The following DNAH10 variants were observed in gnomAD, a reference collection of about 807,000 sequenced individuals.
DNAH10 encodes axonemal beta dynein heavy chain 10.
In DNAH10, 348 loss-of-function variants were observed where a neutral mutation model predicts 506.6. The observed-to-expected ratio is 0.69, with a 90% confidence interval of 0.63 to 0.75. The LOEUF is 0.75. Ranked by LOEUF, DNAH10 falls within the 30% of genes least tolerant of loss-of-function variation. The pLI is 0.00. For missense variants in DNAH10, 5,179 were observed against 5,787.1 expected (o/e 0.89, Z 3.41); for synonymous variants, 2,059 against 2,198.6 (o/e 0.94, Z 1.78).
intron 77 of DNAH10, chr12:123,934,283 C>T (rs1185626078): frequency 2.9e-6 from 2 of 693,476 alleles, no homozygotes; most frequent in African/African-American, 3.5e-5. Context: ...CATTCTGACT[C>T]TGGGACCATG....
intron 26 of DNAH10, among the ~76,000 whole-genome samples, chr12:123,832,570 T>G (rs1432362032): frequency 6.6e-6 from 1 of 152,128 alleles, no homozygotes; most frequent in Non-Finnish European, 1.5e-5. Context: ...CATGAACTCC[T>G]GGGCTCAAGC....
intron 41 of DNAH10, 29 bp downstream of exon 41, chr12:123,866,102 A>C: frequency 1.3e-6 from 2 of 1,543,496 alleles, no homozygotes; most frequent in Non-Finnish European, 1.8e-6. Context: ...ATGAACTTAA[A>C]TTTATTAGTA....
At chr12:123,818,912 A>C (rs369316852) in intron 21 of DNAH10, 38 bp from the exon 22 acceptor site, 435 of 1,398,928 alleles carry the variant, frequency 3.1e-4, no homozygotes, top group Non-Finnish European at 4.0e-4. Flanking sequence ...ATTGCTCATC[A>C]TTTGTTGTTT....
In DNAH10 at chr12:123,820,255, T is replaced by C. The variant is rs552098221; in HGVS notation, c.4001-325T>C. On this transcript the variant is annotated intron_variant, in intron 23 of 78. Coordinates refer to ENST00000673944, the MANE Select transcript of DNAH10 (RefSeq NM_001372106.1). ...TGGGAAGTTAGAGTGGTAAGGGAGT[T>C]ATCAGTAGGATGATGATGTTCTCAA... 2.0e-4 allele frequency among the ~76,000 whole-genome samples: 31 copies of C among 152,278 alleles called. 1 individual carries two copies. In the South Asian group the frequency reaches 6.4e-3, roughly 32 times the overall value.
At chr12:123,932,155 C>T in intron 76 of DNAH10, 47 bp downstream of exon 76, 1 of 1,607,790 alleles carries the variant, frequency 6.2e-7, no homozygotes, top group Non-Finnish European at 8.5e-7. Flanking sequence ...AGGTGTCAGC[C>T]TAGACTCCTC....
chr12:123,864,388 G>A (rs955247147), intron 39 of DNAH10, among the ~76,000 whole-genome samples: 3 of 151,702 alleles, frequency 2.0e-5, no homozygotes, highest in Non-Finnish European at 2.9e-5. Context: ...CTCGCGATCC[G>A]CCCACCTTGG....
chr12:123,915,114 C>A lies in DNAH10; in HGVS notation c.10722+115C>A. The A allele has an allele frequency of 2.2e-6, 3 of 1,371,004 alleles. No homozygotes were observed. In the South Asian group the frequency reaches 4.5e-5, roughly 21 times the overall value. The allele number at this position is 1,371,004 out of a possible 1,614,324, so 84.9% of individuals were successfully genotyped here. ...GCCTCAGCGAGGCTGGGCTGAAATG[C>A]TTCCATCCTGACCCCCATGCGGAGC... is the stretch of plus-strand genomic sequence containing the variant. On this transcript the variant is annotated intron_variant, in intron 62 of 78. Transcript: ENST00000673944.
Position 123,933,363 on chromosome 12 carries a change from C to G in DNAH10, c.13329C>G (p.Leu4443=). Residue 4443 remains leucine, a synonymous_variant, in exon 77 of 79, where the codon CTC becomes CTG. Coordinates refer to ENST00000673944, the MANE Select transcript of DNAH10 (RefSeq NM_001372106.1). ...AGAGCGAGCCCAGCGTGATGTGGCT[C>G]TCGGGGCTGCACATCCCTGAGTCCT... ...VTESEPSVMW[L]SGLHIPESYL... 6.2e-7 allele frequency: 1 copy of G among 1,603,968 alleles called. No homozygotes were observed. The highest frequency in any genetic ancestry group is 1.7e-5 in the Admixed American group (1 of 59,192).
intron 12 of DNAH10, 41 bp from the exon 13 acceptor site, chr12:123,796,615 C>A (rs370297784): frequency 6.5e-7 from 1 of 1,528,328 alleles, no homozygotes; most frequent in Admixed American, 2.1e-5. Flanking sequence ...GCTAACCTGG[C>A]GATGTTTATC....
intron 52 of DNAH10, among the ~76,000 whole-genome samples, chr12:123,890,276 A>G (rs941675584): frequency 1.3e-5 from 2 of 152,006 alleles, no homozygotes; most frequent in Admixed American, 6.6e-5. Flanking sequence ...GATTTAATTA[A>G]TTAATTATTT....
intron 52 of DNAH10, among the ~76,000 whole-genome samples, chr12:123,892,273 T>C (rs1953018556): frequency 6.6e-6 from 1 of 152,194 alleles, no homozygotes; most frequent in Admixed American, 6.5e-5. Flanking sequence ...CTTACAGTCA[T>C]GGCAGAAGGT....
chr12:123,786,912 C>T (rs940310952), intron 9 of DNAH10, among the ~76,000 whole-genome samples: 8 of 152,062 alleles, frequency 5.3e-5, no homozygotes, highest in Non-Finnish European at 8.8e-5. Context: ...CCAAGGCAGG[C>T]GGATCACTTG....
rs1959013733 is a variant in DNAH10, at chr12:123,813,287, G to A, written c.3268G>A (p.Ala1090Thr). ...ISLNPQIIEQAVMIPQNVHRI... is the reference protein window; with the variant it reads ...ISLNPQIIEQTVMIPQNVHRI... ...TCTGAACCCTCAGATAATTGAACAA[G>A]CTGTTATGATCCCCCAAAATGTCCA... The change falls in exon 20 of 79, where the codon GCT becomes ACT. Residue 1090 changes from alanine to threonine, a missense_variant. Ala to Thr is a moderately conservative substitution (Grantham distance 58). This residue lies in a region of DNAH10 where 4,844 missense variants were observed against 5,430.5 expected (regional missense o/e 0.89). Transcript: ENST00000673944. 1 of 1,614,048 alleles carries A rather than the reference G, an allele frequency of 6.2e-7. No individual in the cohort carries two copies. The highest frequency in any genetic ancestry group is 1.3e-5 in the African/African-American group (1 of 74,914).
chr12:123,819,760 A>T (rs1277988835), intron 23 of DNAH10, among the ~76,000 whole-genome samples: 1 of 135,898 alleles, frequency 7.4e-6, no homozygotes, highest in African/African-American at 2.9e-5. Flanking sequence ...ACTGGAGTGC[A>T]GTGGCACAAT....
At position 123,914,495 on chromosome 12, in the gene DNAH10, C is replaced by T; in HGVS notation, c.10519C>T (p.Leu3507=). The change falls in exon 61 of 79, where the codon CTG becomes TTG. Residue 3507 remains leucine, a synonymous_variant. Transcript: ENST00000673944. The part of the protein sequence containing the change: ...QNDILEREIP[L]SQPFRLESLL... Reference sequence around the variant, plus strand: ...TGACATCCTGGAGCGGGAGATCCCCCTGAGCCAGCCTTTCCGGCTGGAAAG... The same window carrying T: ...TGACATCCTGGAGCGGGAGATCCCCTTGAGCCAGCCTTTCCGGCTGGAAAG... 1 of 1,613,768 alleles carries T rather than the reference C, an allele frequency of 6.2e-7. No homozygotes were observed. Among genetic ancestry groups the T allele is most frequent in the Non-Finnish European group, 8.5e-7 (1 of 1,179,896 alleles).
At chr12:123,764,527 G>A (rs1956945909) in intron 1 of DNAH10, among the ~76,000 whole-genome samples, 1 of 152,168 alleles carries the variant, frequency 6.6e-6, no homozygotes, top group Non-Finnish European at 1.5e-5. Context: ...AACAATGGAT[G>A]TGACTTGGAT....
chr12:123,772,840 G>A lies in DNAH10; in HGVS notation c.403G>A (p.Ala135Thr). ...TTTGTTCCCCATGTTTCAGAGAACTGCGAAGCACATCATGGAAAAGATGCA... is the reference window on the plus strand; with the variant it reads ...TTTGTTCCCCATGTTTCAGAGAACTACGAAGCACATCATGGAAAAGATGCA... ...ISEKLPSKRTAKHIMEKMHLH... is the reference protein window; with the variant it reads ...ISEKLPSKRTTKHIMEKMHLH... Residue 135 changes from alanine to threonine, a missense_variant, in exon 4 of 79, where the codon GCG becomes ACG. By Grantham distance (58) the Ala-to-Thr change is moderately conservative. Around this residue, in one of 3 missense-constraint regions of DNAH10, gnomAD observed 326 missense variants for 330.8 expected, o/e 0.99. Transcript: ENST00000673944. 1.9e-6 allele frequency: 3 copies of A among 1,604,020 alleles called. No homozygotes were observed. The highest frequency in any genetic ancestry group is 2.6e-6 in the Non-Finnish European group (3 of 1,175,752).
Position 123,928,826 on chromosome 12 carries a change from A to G in DNAH10, c.12306+239A>G. ...ACCAATTCTGCATGTGTCCCTAACAATATCTACGCTACTTTTCATAAACTT... is the reference window on the plus strand; with the variant it reads ...ACCAATTCTGCATGTGTCCCTAACAGTATCTACGCTACTTTTCATAAACTT... On this transcript the variant is annotated intron_variant, in intron 70 of 78. Coordinates refer to ENST00000673944, the MANE Select transcript of DNAH10 (RefSeq NM_001372106.1). This position sits in a 1 kb window ranked among gnomAD's most constrained non-coding sequence, Gnocchi z 4.9. 1 of 564,272 alleles carries G rather than the reference A, an allele frequency of 1.8e-6. No homozygotes were observed. 35.0% of individuals were successfully genotyped at this position (564,272 alleles called of 1,614,324 possible).
rs371758669 is a variant in DNAH10 at position 123,871,630 on chromosome 12, A to G, written c.7785+28A>G. The G allele has an allele frequency of 3.1e-4, 484 of 1,542,530 alleles. 1 individual carries two copies. Among genetic ancestry groups the G allele is most frequent in the Middle Eastern group, 2.3e-3 (14 of 5,982 alleles). On this transcript the variant is annotated intron_variant, in intron 45 of 78. Coordinates refer to ENST00000673944, the MANE Select transcript of DNAH10 (RefSeq NM_001372106.1). ...AAGTCATTATTCATATGAATTATCT[A>G]TTGCTGTGTAACAAATTATTCCAGT...
Sources: allele counts gnomAD v4.1 joint callset (sites outside exome capture counted in the v4.1 genomes callset), GRCh38; gene constraint gnomAD v4.1.1; regional missense constraint gnomAD v4.1.1; non-coding constraint Gnocchi (gnomAD v3.1); transcripts MANE v1.5; gene names NCBI Gene and HGNC (gene_info 2026-07-23, HGNC 2026-07-21).